The following F13A1 variants were observed in gnomAD, a reference collection of about 807,000 sequenced individuals.
F13A1 encodes the protein coagulation factor XIII A chain.
F13A1 carries 47 observed loss-of-function variants against 80.1 expected under a neutral mutation model. That is an observed-to-expected ratio of 0.59 (90% confidence interval 0.46 to 0.75). The LOEUF (loss-of-function observed/expected upper bound fraction) is 0.75, where lower values mean the gene tolerates loss of function less well. Ranked by LOEUF, F13A1 falls within the 30% of genes least tolerant of loss-of-function variation. The pLI, the probability that F13A1 is intolerant of heterozygous loss-of-function variation, is 0.00. For missense variants in F13A1, 817 were observed against 930.4 expected (o/e 0.88, Z 1.59); for synonymous variants, 349 against 344.9 (o/e 1.01, Z -0.13).
At chr6:6,238,970 C>T (rs1032490272) in intron 6 of F13A1, among the ~76,000 whole-genome samples, 1 of 152,088 alleles carries the variant, frequency 6.6e-6, no homozygotes, top group African/African-American at 2.4e-5. Context: ...TAAATATATA[C>T]ATACTTTCTG....
At chr6:6,245,583 T>A (rs1757544500) in intron 6 of F13A1, among the ~76,000 whole-genome samples, 1 of 152,208 alleles carries the variant, frequency 6.6e-6, no homozygotes, top group South Asian at 2.1e-4. Context: ...GGTGCTTTTT[T>A]CAACATGCAC....
At chr6:6,264,479 T>G (rs1372727082) in intron 4 of F13A1, among the ~76,000 whole-genome samples, 1 of 152,222 alleles carries the variant, frequency 6.6e-6, no homozygotes, top group East Asian at 1.9e-4. Flanking sequence ...CATCTCATTC[T>G]CTTTTGCTGA....
At chr6:6,249,007 C>T (rs1757593611) in intron 5 of F13A1, among the ~76,000 whole-genome samples, 1 of 152,214 alleles carries the variant, frequency 6.6e-6, no homozygotes, top group Non-Finnish European at 1.5e-5. Context: ...AAGTAGATTA[C>T]ACTATCAAGG....
chr6:6,176,284 C>T (rs1368615961), intron 11 of F13A1, among the ~76,000 whole-genome samples: 1 of 152,170 alleles, frequency 6.6e-6, no homozygotes, highest in African/African-American at 2.4e-5. Context: ...GTCAATGAAT[C>T]ATCAGAACCC....
chr6:6,248,143 T>C (rs567288812), intron 6 of F13A1, among the ~76,000 whole-genome samples, 169 bp downstream of exon 6: 4 of 152,368 alleles, frequency 2.6e-5, no homozygotes, highest in African/African-American at 9.6e-5. Flanking sequence ...TAGCACATGA[T>C]AAGCTCAGAA....
intron 13 of F13A1, among the ~76,000 whole-genome samples, chr6:6,159,319 AG>A (rs1760533382): frequency 1.3e-5 from 2 of 152,212 alleles, no homozygotes; most frequent in Middle Eastern, 3.4e-3. Flanking sequence ...GTGGGTTTCC[AG>A]GGTGTGAGCC....
intron 10 of F13A1, among the ~76,000 whole-genome samples, chr6:6,186,259 G>T (rs1388762377): frequency 7.9e-5 from 12 of 151,406 alleles, no homozygotes; most frequent in Non-Finnish European, 1.5e-4. Flanking sequence ...GGCTTTTGTT[G>T]CCATTGCTTT....
chr6:6,181,849 C>T lies in F13A1; in HGVS notation c.1459+139G>A, dbSNP rs3024439. On this transcript the variant is annotated intron_variant, in intron 11 of 14. Coordinates refer to ENST00000264870, the MANE Select transcript of F13A1 (RefSeq NM_000129.4). Reference sequence around the variant, plus strand: ...TTGCATATGTGACGTGTCTTTCACACGTGAAAGTTTATACTTCTGCTGTTG... The same window carrying T: ...TTGCATATGTGACGTGTCTTTCACATGTGAAAGTTTATACTTCTGCTGTTG... 0.18 allele frequency: 166,009 copies of T among 913,190 alleles called. 20,420 individuals carry two copies. The highest frequency in any genetic ancestry group is 0.53 in the East Asian group (20,658 of 38,728). 56.6% of individuals were successfully genotyped at this position (913,190 alleles called of 1,614,324 possible). A position where few individuals can be genotyped will look rare whatever the true frequency, so the allele number is the denominator to read the frequency against.
In F13A1 at chr6:6,244,840, C is replaced by T. The variant is rs187558909; in HGVS notation, c.798+3472G>A. Among the ~76,000 whole-genome samples the T allele has an allele frequency of 2.0e-5, 3 of 152,296 alleles. No homozygotes were observed. The East Asian group carries it at 5.8e-4, about 29-fold the overall frequency. On this transcript the variant is annotated intron_variant, in intron 6 of 14. Transcript: ENST00000264870. ...TCCAATCCCTCGACACGAGCTGAGT[C>T]GCTTCCCATATGATGCTGCCTTCAC...
chr6:6,166,475 T>C (rs913763234), intron 13 of F13A1, among the ~76,000 whole-genome samples: 3 of 152,202 alleles, frequency 2.0e-5, no homozygotes, highest in Non-Finnish European at 2.9e-5. Context: ...TAGAGCAATG[T>C]AGTTTAGCAG....
rs9504717 is a variant in F13A1 at position 6,216,058 on chromosome 6, G to T, written c.1112+5975C>A. Among the ~76,000 whole-genome samples the T allele has an allele frequency of 8.5e-3, 1,229 of 144,614 alleles. 11 individuals are homozygous for T. Among genetic ancestry groups the T allele is most frequent in the South Asian group, 0.035 (150 of 4,310 alleles). 94.9% of individuals were successfully genotyped at this position (144,614 alleles called of 152,430 possible). ...AAACAAATGGAAGAACATTCCATGC[G>T]CATGGGTAGCAAGAATCAATATCGT... On this transcript the variant is annotated intron_variant, in intron 8 of 14. Transcript: ENST00000264870.
intron 8 of F13A1, among the ~76,000 whole-genome samples, chr6:6,198,871 G>A (rs546061919): frequency 6.6e-6 from 1 of 152,158 alleles, no homozygotes. Context: ...GTGCCATGGA[G>A]TCTCAGTGGA....
intron 3 of F13A1, among the ~76,000 whole-genome samples, chr6:6,285,560 A>G (rs903248218): frequency 2.1e-4 from 32 of 152,262 alleles, no homozygotes; most frequent in African/African-American, 7.5e-4. Flanking sequence ...GCTCATGAAC[A>G]GACACAAAAA....
At chr6:6,283,908 C>T (rs1758100518) in intron 3 of F13A1, among the ~76,000 whole-genome samples, 1 of 152,208 alleles carries the variant, frequency 6.6e-6, no homozygotes, top group Non-Finnish European at 1.5e-5. Context: ...AGCAGAACAG[C>T]AGTGAGGTGT....
chr6:6,247,341 T>C (rs1051077694), intron 6 of F13A1, among the ~76,000 whole-genome samples: 1 of 152,210 alleles, frequency 6.6e-6, no homozygotes, highest in African/African-American at 2.4e-5. Context: ...CTTAGAAAAC[T>C]TAGGGAAATT....
intron 4 of F13A1, among the ~76,000 whole-genome samples, chr6:6,260,810 C>T (rs1757769145): frequency 6.6e-6 from 1 of 151,950 alleles, no homozygotes; most frequent in Non-Finnish European, 1.5e-5. Flanking sequence ...AGAATTTGCT[C>T]CTGGGACAGA....
intron 3 of F13A1, among the ~76,000 whole-genome samples, chr6:6,299,857 G>A (rs1350426870): frequency 6.8e-6 from 1 of 147,882 alleles, no homozygotes; most frequent in Non-Finnish European, 1.5e-5. Flanking sequence ...TTTCTGTTCT[G>A]TTTTTTCCCC....
At chr6:6,282,217 T>C (rs1342651273) in intron 3 of F13A1, among the ~76,000 whole-genome samples, 1 of 152,136 alleles carries the variant, frequency 6.6e-6, no homozygotes. Flanking sequence ...TGGAGAAATG[T>C]TTCTCCTTAG....
intron 11 of F13A1, among the ~76,000 whole-genome samples, chr6:6,180,071 TGCTGCCCCTA>T (rs1760954204): frequency 6.6e-6 from 1 of 152,236 alleles, no homozygotes; most frequent in South Asian, 2.1e-4. Flanking sequence ...GCTCGCTTCC[TGCTGCCCCTA>T]GCTGCCTGTA....
Sources: gnomAD v4.1 joint callset for allele counts (sites outside exome capture counted in the v4.1 genomes callset) on GRCh38, gnomAD v4.1.1 for gene constraint, MANE v1.5 for transcripts, NCBI Gene and HGNC (gene_info 2026-07-23, HGNC 2026-07-21) for gene names.